Variants in GHRHR observed in about 807,000 individuals in gnomAD.
The protein encoded by GHRHR is growth hormone-releasing hormone receptor.
A neutral mutation model predicts 58.3 loss-of-function variants in GHRHR; 40 were observed. The ratio of observed to expected loss-of-function variants is 0.69; its 90% confidence interval spans 0.53 to 0.89. The LOEUF (loss-of-function observed/expected upper bound fraction) is 0.89. Ranked by LOEUF, GHRHR falls within the 40% of genes least tolerant of loss-of-function variation. The pLI, the probability that GHRHR is intolerant of heterozygous loss-of-function variation, is 0.00. For missense variants in GHRHR, 551 were observed against 541.3 expected (o/e 1.02, Z -0.18); for synonymous variants, 249 against 216.6 (o/e 1.15, Z -1.31).
At chr7:30,965,415 A>ATG (rs200843653) in intron 1 of GHRHR, among the ~76,000 whole-genome samples, 1 of 98,968 alleles carries the variant, frequency 1.0e-5, no homozygotes, top group Admixed American at 8.1e-5. Flanking sequence ...GGGGTCCACG[A>ATG]TGTGTGTGGG....
intron 1 of GHRHR, among the ~76,000 whole-genome samples, chr7:30,966,878 G>T (rs1792368006): frequency 6.6e-6 from 1 of 152,156 alleles, no homozygotes; most frequent in South Asian, 2.1e-4. Flanking sequence ...CTGACGTCAG[G>T]TGATCCGCCT....
intron 8 of GHRHR, 141 bp downstream of exon 8, chr7:30,974,630 C>T (rs1313799176): frequency 2.7e-6 from 2 of 732,192 alleles, no homozygotes; most frequent in South Asian, 1.5e-5. Context: ...GGAGAACAGT[C>T]TGTGAGTAGC....
intron 1 of GHRHR, among the ~76,000 whole-genome samples, chr7:30,966,460 A>G (rs888084827): frequency 1.3e-5 from 2 of 151,558 alleles, no homozygotes; most frequent in Non-Finnish European, 2.9e-5. Flanking sequence ...TCCCAAATAC[A>G]CCTTTTCCCA....
At position 30,979,486 on chromosome 7, in the gene GHRHR, C is replaced by A. The variant is rs1792651980; in HGVS notation, c.*242C>A. 6.1e-6 allele frequency: 3 copies of A among 488,904 alleles called. No individual in the cohort carries two copies. The highest frequency in any genetic ancestry group is 6.0e-5 in the South Asian group (3 of 50,390). The allele number at this position is 488,904 out of a possible 1,614,324, so 30.3% of individuals were successfully genotyped here. A position where few individuals can be genotyped will look rare whatever the true frequency, so the allele number is the denominator to read the frequency against. ...CCATTCCTCTTACTGGGGCCTGGGG[C>A]TCTAGCCCAAGGCTCAGAGGAGCCA... On this transcript the variant is annotated 3_prime_UTR_variant, in exon 13 of 13. Transcript: ENST00000326139.
intron 5 of GHRHR, among the ~76,000 whole-genome samples, chr7:30,971,598 C>T (rs923345344): frequency 3.3e-5 from 5 of 152,228 alleles, no homozygotes; most frequent in African/African-American, 7.2e-5. Context: ...CTCCAGCCTT[C>T]GAAGTCTGAG....
Position 30,963,957 on chromosome 7 carries a change from G to C in GHRHR, c.-112G>C, listed in dbSNP as rs1792285294. ...CTCCTGCCTATGCAAACAGCCACCT[G>C]AGAAGGGGAAGCAGAGGGTGCGGTG... On this transcript the variant is annotated 5_prime_UTR_variant, in exon 1 of 13. Transcript: ENST00000326139. 9.9e-7 allele frequency: 1 copy of C among 1,010,084 alleles called. No individual in the cohort carries two copies. The allele number at this position is 1,010,084 out of a possible 1,614,324, so 62.6% of individuals were successfully genotyped here. A position where few individuals can be genotyped will look rare whatever the true frequency, so the allele number is the denominator to read the frequency against.
intron 2 of GHRHR, 49 bp downstream of exon 2, chr7:30,968,985 C>A: frequency 1.3e-6 from 2 of 1,553,148 alleles, no homozygotes; most frequent in Non-Finnish European, 1.8e-6. Flanking sequence ...CCTTTATATC[C>A]TCCAGCCTCA....
At chr7:30,978,677 C>T (rs1792632597) in intron 12 of GHRHR, among the ~76,000 whole-genome samples, 1 of 152,128 alleles carries the variant, frequency 6.6e-6, no homozygotes, top group South Asian at 2.1e-4. Context: ...TTTCAGTTTC[C>T]TCAACTGCAA....
chr7:30,964,626 G>T (rs957412237), intron 1 of GHRHR, among the ~76,000 whole-genome samples: 1 of 152,206 alleles, frequency 6.6e-6, no homozygotes, highest in African/African-American at 2.4e-5. Flanking sequence ...TTCCTTTGAA[G>T]AGGGTGTGGC....
intron 12 of GHRHR, among the ~76,000 whole-genome samples, chr7:30,978,294 G>A (rs1000301392): frequency 3.3e-5 from 5 of 152,100 alleles, no homozygotes; most frequent in Non-Finnish European, 7.4e-5. Flanking sequence ...GTCCTGGGAG[G>A]GGCAAGAAGC....
At chr7:30,967,721 CCTT>C (rs954019176) in intron 1 of GHRHR, among the ~76,000 whole-genome samples, 3 of 152,120 alleles carry the variant, frequency 2.0e-5, no homozygotes, top group African/African-American at 7.2e-5. Flanking sequence ...TTCCCTCCTT[CCTT>C]TTTTTATGCA....
chr7:30,977,290 G>T lies in GHRHR; in HGVS notation c.1114G>T (p.Val372Phe). 1 of 1,614,124 alleles carries T rather than the reference G, an allele frequency of 6.2e-7. No individual in the cohort carries two copies. The highest frequency in any genetic ancestry group is 1.1e-5 in the South Asian group (1 of 91,074). The change falls in exon 12 of 13, where the codon GTT (valine) becomes TTT (phenylalanine). Residue 372 changes from valine (V) to phenylalanine (F), a missense_variant. Val to Phe is a conservative substitution (Grantham distance 50, BLOSUM62 -1). Coordinates refer to ENST00000326139, the MANE Select transcript of GHRHR (RefSeq NM_000823.4). Reference protein sequence around the residue: ...LGLGSFQGFIVAILYCFLNQE... With the variant: ...LGLGSFQGFIFAILYCFLNQE... ...TTCTTTGGACCCACAGGGCTTCATTGTTGCCATCCTCTACTGCTTCCTCAA... is the reference window on the plus strand; with the variant it reads ...TTCTTTGGACCCACAGGGCTTCATTTTTGCCATCCTCTACTGCTTCCTCAA...
At position 30,975,043 on chromosome 7, in the gene GHRHR, C is replaced by G. The variant is rs772197353; in HGVS notation, c.882+3C>G. 1.2e-6 allele frequency: 2 copies of G among 1,602,696 alleles called. No homozygotes were observed. The highest frequency in any genetic ancestry group is 2.2e-5 in the South Asian group (2 of 90,894). ...GGCCCATTGTCCTCTCGGTCGGGGT[C>G]AGTCCCTGGGCCAGTGCCCTTTGCT... is the stretch of plus-strand genomic sequence containing the variant. On this transcript the variant is annotated splice_donor_region_variant and intron_variant, in intron 9 of 12. Transcript: ENST00000326139.
At chr7:30,972,254 C>T (rs185340900) in intron 6 of GHRHR, 159 bp downstream of exon 6, 19 of 701,656 alleles carry the variant, frequency 2.7e-5, no homozygotes, top group Non-Finnish European at 4.1e-5. Flanking sequence ...TCCCATGTCA[C>T]CCCCTAAGTC....
At position 30,968,851 on chromosome 7, in the gene GHRHR, C is replaced by A; in HGVS notation, c.75C>A (p.His25Gln). The change falls in exon 2 of 13, where the codon CAC (histidine) becomes CAA (glutamine). Residue 25 changes from histidine (H) to glutamine (Q), a missense_variant. Physicochemically the swap from His to Gln is conservative, Grantham distance 24 (BLOSUM62 0). Coordinates refer to ENST00000326139, the MANE Select transcript of GHRHR (RefSeq NM_000823.4). ...TCCAGCAGGTATTGGGCCACATGCA[C>A]CCAGAATGTGACTTCATCACCCAGC... ...SPLPTVLGHM[H>Q]PECDFITQLR... The A allele has an allele frequency of 6.2e-7, 1 of 1,613,458 alleles. No homozygotes were observed. The highest frequency in any genetic ancestry group is 1.1e-5 in the South Asian group (1 of 91,058).
At chr7:30,964,831 G>A (rs756598292) in intron 1 of GHRHR, among the ~76,000 whole-genome samples, 1 of 152,172 alleles carries the variant, frequency 6.6e-6, no homozygotes, top group Non-Finnish European at 1.5e-5. Flanking sequence ...CAGTTTCCCA[G>A]TAACTTTCCA....
rs1792475987 is a variant in GHRHR at position 30,971,233 on chromosome 7, A to G, written c.464+17A>G. The G allele has an allele frequency of 2.6e-6, 3 of 1,147,942 alleles. No homozygotes were observed. The highest frequency in any genetic ancestry group is 3.9e-6 in the Non-Finnish European group (3 of 777,630). The allele number at this position is 1,147,942 out of a possible 1,614,324, so 71.1% of individuals were successfully genotyped here. A position where few individuals can be genotyped will look rare whatever the true frequency, so the allele number is the denominator to read the frequency against. ...TGCTCTCAGGTTTGTCATCCTCATC[A>G]CCAGCTCAAGAACCTTCCTTGGCTC... On this transcript the variant is annotated intron_variant, in intron 5 of 12. Transcript: ENST00000326139.
chr7:30,977,861 C>T (rs1792618037), intron 12 of GHRHR, among the ~76,000 whole-genome samples: 1 of 152,182 alleles, frequency 6.6e-6, no homozygotes, highest in Non-Finnish European at 1.5e-5. Flanking sequence ...GGGAGATAGA[C>T]ATGAAAAGAC....
At chr7:30,971,885 T>C (rs1282030713) in intron 5 of GHRHR, 78 bp from the exon 6 acceptor site, 2 of 1,335,558 alleles carry the variant, frequency 1.5e-6, no homozygotes, top group East Asian at 4.6e-5. Flanking sequence ...CCTCCTGCCC[T>C]GTTCAGCCCA....
Sources: gnomAD v4.1 joint callset for allele counts (sites outside exome capture counted in the v4.1 genomes callset) on GRCh38, gnomAD v4.1.1 for gene constraint, MANE v1.5 for transcripts, NCBI Gene and HGNC (gene_info 2026-07-23, HGNC 2026-07-21) for gene names.